Variants in SEMA6D observed in about 807,000 individuals in gnomAD.
The protein encoded by SEMA6D is semaphorin-6D.
A neutral mutation model predicts 106.6 loss-of-function variants in SEMA6D; 35 were observed. That is an observed-to-expected ratio of 0.33 (90% CI 0.25 to 0.44). SEMA6D has a LOEUF of 0.44. Among genes scored for constraint, SEMA6D ranks in the 20% least tolerant of loss-of-function variants. The pLI is 1.00. For synonymous variants in SEMA6D, 499 were observed against 487.7 expected (o/e 1.02, Z -0.31); for missense variants, 1,185 against 1,345.9 (o/e 0.88, Z 1.87).
chr15:47,220,677 C>T (rs1421948264), intron 1 of SEMA6D, among the ~76,000 whole-genome samples: 2 of 152,194 alleles, frequency 1.3e-5, no homozygotes, highest in Non-Finnish European at 2.9e-5. Context: ...TCTCAACTCT[C>T]ACTGCTGCCT....
At chr15:47,508,976 A>G (rs2044139423) in intron 3 of SEMA6D, among the ~76,000 whole-genome samples, 1 of 151,700 alleles carries the variant, frequency 6.6e-6, no homozygotes, top group African/African-American at 2.4e-5. Context: ...CAGAACTGAA[A>G]CTCAGTATTT....
At chr15:47,507,945 T>C (rs1405281549) in intron 3 of SEMA6D, among the ~76,000 whole-genome samples, 1 of 152,230 alleles carries the variant, frequency 6.6e-6, no homozygotes, top group Non-Finnish European at 1.5e-5. Context: ...CTTTGAGCCC[T>C]GTACCTGCAA....
chr15:47,769,923 GA>G (rs948484704), intron 18 of SEMA6D, among the ~76,000 whole-genome samples: 73 of 148,160 alleles, frequency 4.9e-4, no homozygotes, highest in Non-Finnish European at 6.6e-4. Context: ...AAGATGGAAT[GA>G]AAAAAAAAAT....
At chr15:47,765,783 A>G in intron 13 of SEMA6D, 86 bp from the exon 14 acceptor site, 1 of 1,277,806 alleles carries the variant, frequency 7.8e-7, no homozygotes, top group Non-Finnish European at 1.0e-6. Flanking sequence ...AATATTCCTT[A>G]TGATTTCCCA....
At chr15:47,501,390 A>G (rs1213540435) in intron 3 of SEMA6D, among the ~76,000 whole-genome samples, 6 of 152,192 alleles carry the variant, frequency 3.9e-5, no homozygotes, top group African/African-American at 1.4e-4. Flanking sequence ...ATACATAAGG[A>G]CACATCAGGG....
chr15:47,749,377 G>A (rs937937202), intron 1 of SEMA6D, among the ~76,000 whole-genome samples: 2 of 151,992 alleles, frequency 1.3e-5, no homozygotes, highest in Non-Finnish European at 2.9e-5. Context: ...CACTGCGCCC[G>A]GCCTAATTAC....
At chr15:47,634,633 G>T (rs769516857) in intron 4 of SEMA6D, among the ~76,000 whole-genome samples, 40 of 152,268 alleles carry the variant, frequency 2.6e-4, no homozygotes, top group Middle Eastern at 6.8e-3. Context: ...TATCAACTGG[G>T]CTTATTCAGT....
intron 4 of SEMA6D, among the ~76,000 whole-genome samples, chr15:47,615,129 T>G (rs2076982864): frequency 6.6e-6 from 1 of 152,052 alleles, no homozygotes; most frequent in Non-Finnish European, 1.5e-5. Context: ...ATACACAAAT[T>G]ATGTATGATT....
chr15:47,315,250 C>A (rs2036619189), intron 1 of SEMA6D, among the ~76,000 whole-genome samples: 1 of 152,058 alleles, frequency 6.6e-6, no homozygotes, highest in African/African-American at 2.4e-5. Context: ...TTACATTTTG[C>A]ATTTTGAGTT....
At chr15:47,494,929 GA>G (rs2043605459) in intron 3 of SEMA6D, among the ~76,000 whole-genome samples, 1 of 150,984 alleles carries the variant, frequency 6.6e-6, no homozygotes, top group African/African-American at 2.4e-5. Context: ...GTTGTTGGAA[GA>G]GAAATGCAGT....
chr15:47,296,696 G>A (rs1033828752), intron 1 of SEMA6D, among the ~76,000 whole-genome samples: 12 of 152,228 alleles, frequency 7.9e-5, no homozygotes, highest in African/African-American at 2.9e-4. Context: ...TGTGAAGCTT[G>A]TAATAGAAAA....
At chr15:47,424,668 G>A (rs188225221) in intron 2 of SEMA6D, among the ~76,000 whole-genome samples, 85 of 152,228 alleles carry the variant, frequency 5.6e-4, no homozygotes, top group African/African-American at 1.5e-3. Flanking sequence ...ATCAGAGCTA[G>A]GTCCTACTGA....
chr15:47,468,222 T>C (rs983452586), intron 2 of SEMA6D, among the ~76,000 whole-genome samples: 2 of 152,088 alleles, frequency 1.3e-5, no homozygotes, highest in African/African-American at 4.8e-5. Context: ...TGTTTCTTCA[T>C]CATTGAAAAT....
intron 4 of SEMA6D, among the ~76,000 whole-genome samples, chr15:47,706,173 A>G (rs561325817): frequency 7.2e-4 from 110 of 152,326 alleles, no homozygotes; most frequent in South Asian, 7.0e-3. Flanking sequence ...TTAAATATTC[A>G]TCAAAAGTCA....
rs2082611434 is a variant in SEMA6D at position 47,771,217 on chromosome 15, A to G, written c.2654A>G (p.His885Arg). 1 of 1,614,134 alleles carries G rather than the reference A, an allele frequency of 6.2e-7. No individual in the cohort carries two copies. Among genetic ancestry groups the G allele is most frequent in the Non-Finnish European group, 8.5e-7 (1 of 1,179,988 alleles). The change falls in exon 19 of 19, where the codon CAT becomes CGT. Residue 885 changes from histidine (H) to arginine (R), a missense_variant. Transcript: ENST00000536845. ...AATACCCTCAATGATCTCCTGAAGC[A>G]TCTGAATGACCCAAATAGTAACCCC... ...SRNTLNDLLK[H>R]LNDPNSNPKA...
At chr15:47,499,327 C>A (rs1233098484) in intron 3 of SEMA6D, among the ~76,000 whole-genome samples, 1 of 152,078 alleles carries the variant, frequency 6.6e-6, no homozygotes, top group Non-Finnish European at 1.5e-5. Flanking sequence ...TTTAACCAAC[C>A]TCCCCTTTGC....
intron 2 of SEMA6D, among the ~76,000 whole-genome samples, chr15:47,459,956 C>G (rs878879709): frequency 4.6e-5 from 7 of 152,038 alleles, no homozygotes; most frequent in Admixed American, 2.0e-4. Context: ...ATTCCACTAA[C>G]TCCTCCATTG....
At position 47,399,616 on chromosome 15, in the gene SEMA6D, G is replaced by A. The variant is rs574247680; in HGVS notation, c.-238-12777G>A. The A allele has an allele frequency of 1.6e-4, 24 of 152,322 alleles. 1 individual carries two copies. Among genetic ancestry groups the A allele is most frequent in the African/African-American group, 3.6e-4 (15 of 41,564 alleles). The allele number at this position is 152,322 out of a possible 1,614,324, so 9.4% of individuals were successfully genotyped here. A position where few individuals can be genotyped will look rare whatever the true frequency, so the allele number is the denominator to read the frequency against. On this transcript the variant is annotated intron_variant, in intron 1 of 19. Transcript: ENST00000558014. ...CAATTATTACTTGCCATTGTCAGCC[G>A]AGAGGAACTTATGCCCCTCAGCAAG...
chr15:47,354,538 A>G (rs891697498), intron 1 of SEMA6D, among the ~76,000 whole-genome samples: 27 of 148,682 alleles, frequency 1.8e-4, no homozygotes, highest in Non-Finnish European at 2.8e-4. Context: ...ATATACACAC[A>G]TATATGAAAG....
Sources: allele counts gnomAD v4.1 joint callset (sites outside exome capture counted in the v4.1 genomes callset), GRCh38; gene constraint gnomAD v4.1.1; transcripts MANE v1.5; gene names NCBI Gene and HGNC (gene_info 2026-07-23, HGNC 2026-07-21).